The following TTN variants were observed in gnomAD, a reference collection of about 807,000 sequenced individuals.
TTN encodes titin, also known as connectin.
In TTN, 1,525 loss-of-function variants were observed where a neutral mutation model predicts 3,223.0. The observed-to-expected ratio is 0.47, with a 90% CI of 0.45 to 0.49. TTN has a LOEUF of 0.49. Among genes scored for constraint, TTN ranks in the 20% least tolerant of loss-of-function variants. TTN has a pLI of 0.00. For missense variants in TTN, 40,786 were observed against 43,424.0 expected (o/e 0.94, Z 5.40); for synonymous variants, 14,094 against 15,161.0 (o/e 0.93, Z 5.17).
At chr2:178,795,789 A>AAACTTTCAAAACTGTTGT (rs2093738307) in intron 6 of TTN, among the ~76,000 whole-genome samples, 2 of 151,996 alleles carry the variant, frequency 1.3e-5, no homozygotes, top group Non-Finnish European at 2.9e-5. Context: ...GTGAATTTCC[A>AAACTTTCAAAACTGTTGT]GGACAGGGGG....
rs762005432 is a variant in TTN at position 178,621,181 on chromosome 2, T to A, written c.45537A>T (p.Lys15179Asn). The A allele has an allele frequency of 2.5e-6, 4 of 1,612,620 alleles. No individual in the cohort carries two copies. The South Asian group carries it at 4.4e-5, about 18-fold the overall frequency. Reference protein sequence around the residue: ...ADGKKRVLVVKDATLQDMGTY... With the variant: ...ADGKKRVLVVNDATLQDMGTY... Reference sequence around the variant, plus strand: ...TGCCCATATCTTGTAATGTGGCATCTTTCACAACTAGGACCCTCTTTTTAC... The same window carrying A: ...TGCCCATATCTTGTAATGTGGCATCATTCACAACTAGGACCCTCTTTTTAC... The change falls in exon 246 of 363, where the codon AAA becomes AAT. Residue 15179 changes from lysine (K) to asparagine (N), a missense_variant. Lys to Asn is a moderately conservative substitution (Grantham distance 94). Coordinates refer to ENST00000589042, the MANE Select transcript of TTN (RefSeq NM_001267550.2).
In TTN at chr2:178,795,015, C is replaced by G. The variant is rs746883797; in HGVS notation, c.1152G>C (p.Glu384Asp). Residue 384 changes from glutamate to aspartate, a missense_variant, in exon 7 of 363, where the codon GAG becomes GAC. Transcript: ENST00000589042. ...CCGCAGCACCACTGATGGTCACTTG[C>G]TCCTGGACACCGTATCTCCCTTCCC... ...ERWEGRYGVQEQVTISGAAGA... is the reference protein window; with the variant it reads ...ERWEGRYGVQDQVTISGAAGA... 6.2e-7 allele frequency: 1 copy of G among 1,611,546 alleles called. No homozygotes were observed.
chr2:178,753,112 T>A lies in TTN; in HGVS notation c.11311+12A>T. On this transcript the variant is annotated intron_variant, in intron 47 of 362. Coordinates refer to ENST00000589042, the MANE Select transcript of TTN (RefSeq NM_001267550.2). ...AATTTCTACTTAAATCTCACATCCATTATAACAATACCTTTCATTTCCATC... is the reference window on the plus strand; with the variant it reads ...AATTTCTACTTAAATCTCACATCCAATATAACAATACCTTTCATTTCCATC... 6.2e-7 allele frequency: 1 copy of A among 1,605,700 alleles called. No individual in the cohort carries two copies. Among genetic ancestry groups the A allele is most frequent in the Non-Finnish European group, 8.5e-7 (1 of 1,174,394 alleles).
rs72646867 is a variant in TTN, at chr2:178,583,028, G to A, written c.65775C>T (p.Ser21925=). 1.4e-3 allele frequency: 2,216 copies of A among 1,609,056 alleles called. 29 individuals carry two copies. The highest frequency in any genetic ancestry group is 9.8e-3 in the South Asian group (881 of 90,222). The change falls in exon 313 of 363, where the codon AGC becomes AGT. Residue 21925 remains serine (S), a synonymous_variant. Coordinates refer to ENST00000589042, the MANE Select transcript of TTN (RefSeq NM_001267550.2). The part of the protein sequence containing the change: ...QRNLCTLELF[S]VNRKDSGDYT... ...AGTCTCCTGAGTCCTTCCGGTTCAC[G>A]CTGAATAGCTCCAAGGTGCACAGAT...
In TTN at chr2:178,576,028, A is replaced by T; in HGVS notation, c.70104T>A (p.Ile23368=). Residue 23368 remains isoleucine, a synonymous_variant, in exon 326 of 363, where the codon ATT becomes ATA. Transcript: ENST00000589042. This position sits in a 1 kb window ranked among gnomAD's most constrained non-coding sequence, Gnocchi z 4.3. The part of the protein sequence containing the change: ...AGLSIRIFVP[I]KGRPAPEVTW... ...TCACTTCAGGAGCAGGACGACCTTTAATTGGCACAAATATCCTAATACTGA... is the reference window on the plus strand; with the variant it reads ...TCACTTCAGGAGCAGGACGACCTTTTATTGGCACAAATATCCTAATACTGA... 1 of 1,613,264 alleles carries T rather than the reference A, an allele frequency of 6.2e-7. No individual in the cohort carries two copies. Among genetic ancestry groups the T allele is most frequent in the Non-Finnish European group, 8.5e-7 (1 of 1,179,440 alleles).
intron 308 of TTN, among the ~76,000 whole-genome samples, chr2:178,585,736 G>C (rs565436013): frequency 6.6e-6 from 1 of 152,136 alleles, no homozygotes; most frequent in Non-Finnish European, 1.5e-5. Context: ...ATGGTTTCCA[G>C]CTTCATCCAT....
intron 10 of TTN, among the ~76,000 whole-genome samples, chr2:178,791,605 C>T (rs191721466): frequency 6.3e-4 from 96 of 151,808 alleles, no homozygotes; most frequent in African/African-American, 2.1e-3. Flanking sequence ...CGATGTCTGG[C>T]ATATCCTCAC....
chr2:178,714,546 C>T lies in TTN; in HGVS notation c.26228G>A (p.Ser8743Asn). The change falls in exon 91 of 363, where the codon AGT becomes AAT. Residue 8743 changes from serine to asparagine, a missense_variant. Physicochemically the swap from Ser to Asn is conservative, Grantham distance 46. Transcript: ENST00000589042. ...KAPPRFVKKLSDISTVVGKEV... is the reference protein window; with the variant it reads ...KAPPRFVKKLNDISTVVGKEV... ...TTTACCAACGACAGTAGATATGTCA[C>T]TGAGCTTCTTCACAAATCTTGGTGG... 6.2e-7 allele frequency: 1 copy of T among 1,607,152 alleles called. No individual in the cohort carries two copies. Among genetic ancestry groups the T allele is most frequent in the Non-Finnish European group, 8.5e-7 (1 of 1,175,468 alleles).
Position 178,739,260 on chromosome 2 carries a change from G to T in TTN, c.13973C>A (p.Thr4658Lys), listed in dbSNP as rs758799742. 6.2e-7 allele frequency: 1 copy of T among 1,608,892 alleles called. No homozygotes were observed. The highest frequency in any genetic ancestry group is 1.1e-5 in the South Asian group (1 of 90,744). The change falls in exon 48 of 363, where the codon ACA (threonine) becomes AAA (lysine). Residue 4658 changes from threonine to lysine, a missense_variant. Physicochemically the swap from Thr to Lys is moderately conservative, Grantham distance 78. Coordinates refer to ENST00000589042, the MANE Select transcript of TTN (RefSeq NM_001267550.2). Reference sequence around the variant, plus strand: ...TACTTTGTCGATGACTAGCGTATATGTATTTTGATCTTGTAAACACTTGAA... The same window carrying T: ...TACTTTGTCGATGACTAGCGTATATTTATTTTGATCTTGTAAACACTTGAA... ...EKFKCLQDQN[T>K]YTLVIDKVNT...
At position 178,672,653 on chromosome 2, in the gene TTN, C is replaced by T; in HGVS notation, c.34837G>A (p.Glu11613Lys). Reference protein sequence around the residue: ...EKVPVPVQKKEAPPAKVPEVP... With the variant: ...EKVPVPVQKKKAPPAKVPEVP... ...GATGTACCTTTGGCTGGGGGTGCCT[C>T]TTTTTTCTGAACAGGAACAGGTACT... Residue 11613 changes from glutamate to lysine, a missense_variant, in exon 153 of 363, where the codon GAG becomes AAG. Glu to Lys is a moderately conservative substitution (Grantham distance 56). Transcript: ENST00000589042. 6.2e-7 allele frequency: 1 copy of T among 1,610,768 alleles called. No homozygotes were observed. Among genetic ancestry groups the T allele is most frequent in the Non-Finnish European group, 8.5e-7 (1 of 1,178,076 alleles).
At position 178,768,710 on chromosome 2, in the gene TTN, A is replaced by G. The variant is rs2090966977; in HGVS notation, c.9126T>C (p.Ala3042=). The G allele has an allele frequency of 2.2e-5, 35 of 1,614,106 alleles. No homozygotes were observed. The highest frequency in any genetic ancestry group is 2.9e-5 in the Non-Finnish European group (34 of 1,180,024). Residue 3042 remains alanine, a synonymous_variant, in exon 38 of 363, where the codon GCT becomes GCC. Coordinates refer to ENST00000589042, the MANE Select transcript of TTN (RefSeq NM_001267550.2). ...GTGTGGCTGTTGATGTTGCTTTTCCAGCCACAAAGGTGTAGTCAGCAGCAT... is the reference window on the plus strand; with the variant it reads ...GTGTGGCTGTTGATGTTGCTTTTCCGGCCACAAAGGTGTAGTCAGCAGCAT... The part of the protein sequence containing the change: ...FGDAADYTFV[A]GKATSTATLY...
At position 178,741,053 on chromosome 2, in the gene TTN, G is replaced by A. The variant is rs2082391806; in HGVS notation, c.12180C>T (p.Pro4060=). ...EDFPQTPLKG[P]AVEALDSEQE... ...GCTCTGAGTCAAGTGCTTCAACTGC[G>A]GGACCCTTTAAGGGTGTCTGTGGAA... Residue 4060 remains proline (P), a synonymous_variant, in exon 48 of 363, where the codon CCC becomes CCT. Transcript: ENST00000589042. 3.7e-6 allele frequency: 6 copies of A among 1,613,758 alleles called. No individual in the cohort carries two copies. The South Asian group carries it at 4.4e-5, about 12-fold the overall frequency.
Position 178,672,767 on chromosome 2 carries a change from A to C in TTN, c.34787-64T>G. The stretch of plus-strand genomic sequence containing the variant: ...TCAATAACACACATGAAATAAAAAC[A>C]CCAGAGACAACGCCAACATTACAAT... On this transcript the variant is annotated intron_variant, in intron 152 of 362. Coordinates refer to ENST00000589042, the MANE Select transcript of TTN (RefSeq NM_001267550.2). 11 of 1,309,398 alleles carry C rather than the reference A, an allele frequency of 8.4e-6. No individual in the cohort carries two copies. The South Asian group carries it at 1.4e-4, about 16-fold the overall frequency. 81.1% of individuals were successfully genotyped at this position (1,309,398 alleles called of 1,614,324 possible).
intron 38 of TTN, among the ~76,000 whole-genome samples, chr2:178,768,461 C>T (rs1189220707): frequency 6.6e-6 from 1 of 152,170 alleles, no homozygotes; most frequent in Non-Finnish European, 1.5e-5. Flanking sequence ...AATATGTGGT[C>T]TTTGTATGGT....
At position 178,740,796 on chromosome 2, in the gene TTN, G is replaced by A. The variant is rs1197013498; in HGVS notation, c.12437C>T (p.Pro4146Leu). Residue 4146 changes from proline (P) to leucine (L), a missense_variant, in exon 48 of 363, where the codon CCA becomes CTA. Coordinates refer to ENST00000589042, the MANE Select transcript of TTN (RefSeq NM_001267550.2). ...AATCTGCAGCTGTAGGTTGGGAGAT[G>A]GTTCCTTGAGAGGCTGAAAGTGAAT... ...GSIHFQPLKEPSPNLQLQIVQ... is the reference protein window; with the variant it reads ...GSIHFQPLKELSPNLQLQIVQ... The A allele has an allele frequency of 6.2e-7, 1 of 1,613,276 alleles. No homozygotes were observed. The highest frequency in any genetic ancestry group is 1.3e-5 in the African/African-American group (1 of 74,858).
In TTN at chr2:178,577,682, C is replaced by T. The variant is rs2154173966; in HGVS notation, c.68744G>A (p.Arg22915Lys). Residue 22915 changes from arginine to lysine, a missense_variant, in exon 323 of 363, where the codon AGA (arginine) becomes AAA (lysine). By Grantham distance (26) the Arg-to-Lys change is conservative. Coordinates refer to ENST00000589042, the MANE Select transcript of TTN (RefSeq NM_001267550.2). Reference sequence around the variant, plus strand: ...ACCTGCTGTATTCTTTGCTCTAATTCTGAATTCATATTTTCCACCCTCAAC... The same window carrying T: ...ACCTGCTGTATTCTTTGCTCTAATTTTGAATTCATATTTTCCACCCTCAAC... ...DLVEGGKYEF[R>K]IRAKNTAGAI... 1.2e-6 allele frequency: 2 copies of T among 1,613,292 alleles called. No individual in the cohort carries two copies. Among genetic ancestry groups the T allele is most frequent in the East Asian group, 4.5e-5 (2 of 44,722 alleles).
In TTN at chr2:178,568,675, C is replaced by T; in HGVS notation, c.77457G>A (p.Val25819=). Residue 25819 remains valine (V), a synonymous_variant, in exon 326 of 363, where the codon GTG becomes GTA. Transcript: ENST00000589042. ...VQVGQDLKIE[V]PISGRPKPTI... ...TTGGCTTAGGACGTCCAGAAATTGG[C>T]ACTTCTATTTTCAAATCTTGGCCAA... The T allele has an allele frequency of 6.2e-7, 1 of 1,613,314 alleles. No homozygotes were observed.
chr2:178,675,351 T>C, intron 149 of TTN: 1 of 390,980 alleles, frequency 2.6e-6, no homozygotes, highest in Non-Finnish European at 4.4e-6. Flanking sequence ...ATTTCTTTTT[T>C]CTTTTGTCTT....
At chr2:178,693,266 A>G (rs2072905902) in intron 119 of TTN, among the ~76,000 whole-genome samples, 1 of 152,152 alleles carries the variant, frequency 6.6e-6, no homozygotes, top group South Asian at 2.1e-4. Context: ...AATTTTTAAT[A>G]ATGGTGGTGT....
Sources: allele counts gnomAD v4.1 joint callset (sites outside exome capture counted in the v4.1 genomes callset), GRCh38; gene constraint gnomAD v4.1.1; non-coding constraint Gnocchi (gnomAD v3.1); transcripts MANE v1.5; gene names NCBI Gene and HGNC (gene_info 2026-07-23, HGNC 2026-07-21).